Variants in PTPRM observed in about 807,000 individuals in gnomAD.
PTPRM encodes the protein protein tyrosine phosphatase receptor type M.
Under a neutral mutation model 186.7 loss-of-function variants are expected in PTPRM, and 47 were observed. The observed-to-expected ratio is 0.25, with a 90% CI of 0.20 to 0.32. The LOEUF is 0.32. Ranked by LOEUF, PTPRM falls within the 10% of genes least tolerant of loss-of-function variation. The pLI is 1.00. For synonymous variants in PTPRM, 668 were observed against 674.9 expected (o/e 0.99, Z 0.16); for missense variants, 1,494 against 1,865.0 (o/e 0.80, Z 3.66).
At chr18:8,019,452 T>C (rs2085074226) in intron 7 of PTPRM, among the ~76,000 whole-genome samples, 2 of 152,192 alleles carry the variant, frequency 1.3e-5, no homozygotes. Flanking sequence ...TGATAGACCT[T>C]AGGATTTGTT....
intron 1 of PTPRM, among the ~76,000 whole-genome samples, chr18:7,617,872 A>G (rs1444132707): frequency 1.3e-5 from 2 of 151,848 alleles, no homozygotes; most frequent in African/African-American, 4.8e-5. Context: ...TGGTTTACCT[A>G]CTCTTGGTCT....
At chr18:8,083,332 A>G (rs1245554393) in intron 9 of PTPRM, among the ~76,000 whole-genome samples, 3 of 152,114 alleles carry the variant, frequency 2.0e-5, no homozygotes, top group Admixed American at 6.6e-5. Context: ...TCAAGCCCCC[A>G]AGGAACCACA....
intron 1 of PTPRM, among the ~76,000 whole-genome samples, chr18:7,569,957 T>G (rs1451120343): frequency 6.6e-6 from 1 of 152,104 alleles, no homozygotes; most frequent in African/African-American, 2.4e-5. Context: ...ACGTTGAACT[T>G]TAAAAAATGT....
At chr18:7,792,043 C>T (rs1718371951) in intron 2 of PTPRM, among the ~76,000 whole-genome samples, 1 of 152,090 alleles carries the variant, frequency 6.6e-6, no homozygotes, top group Non-Finnish European at 1.5e-5. Context: ...TTCAGTAAAG[C>T]AAATATCATT....
At chr18:7,951,420 T>C (rs1040349633) in intron 6 of PTPRM, among the ~76,000 whole-genome samples, 1 of 152,248 alleles carries the variant, frequency 6.6e-6, no homozygotes, top group African/African-American at 2.4e-5. Context: ...GATGCAAATC[T>C]AGTAGTATCT....
chr18:8,155,761 A>G (rs1236171825), intron 14 of PTPRM, among the ~76,000 whole-genome samples: 1 of 152,234 alleles, frequency 6.6e-6, no homozygotes, highest in Non-Finnish European at 1.5e-5. Context: ...CATTAACTAT[A>G]GTTCCCCCGG....
At chr18:7,952,982 G>A (rs115671955) in intron 6 of PTPRM, among the ~76,000 whole-genome samples, 4,446 of 152,140 alleles carry the variant, frequency 0.029, 223 homozygotes, top group African/African-American at 0.1. Context: ...CTGCAGCCTC[G>A]GTGACAGAGC....
intron 2 of PTPRM, 196 bp from the exon 3 acceptor site, chr18:7,887,910 G>A: frequency 1.3e-6 from 1 of 767,660 alleles, no homozygotes; most frequent in South Asian, 1.4e-5. Flanking sequence ...AATACTATGT[G>A]CACTCTTGAG....
At chr18:7,728,993 C>A (rs1032471222) in intron 1 of PTPRM, among the ~76,000 whole-genome samples, 1 of 148,426 alleles carries the variant, frequency 6.7e-6, no homozygotes, top group Non-Finnish European at 1.5e-5. Flanking sequence ...CCACTGCAGT[C>A]TTGAATTCCT....
At chr18:8,114,936 G>A (rs1372262306) in intron 13 of PTPRM, 109 bp downstream of exon 13, 3 of 796,096 alleles carry the variant, frequency 3.8e-6, no homozygotes, top group Middle Eastern at 3.5e-4. Context: ...TAAAATGTGT[G>A]TATTATATAT....
At chr18:7,680,489 A>T (rs60600197) in intron 1 of PTPRM, among the ~76,000 whole-genome samples, 11,237 of 152,268 alleles carry the variant, frequency 0.074, 442 homozygotes, top group South Asian at 0.15. Flanking sequence ...GTCATCATAT[A>T]GTGATGAGGG....
chr18:8,200,557 G>GA (rs1459476082), intron 14 of PTPRM, among the ~76,000 whole-genome samples: 1 of 152,222 alleles, frequency 6.6e-6, no homozygotes, highest in Admixed American at 6.5e-5. Context: ...CTGGGGAACT[G>GA]AACACACCGC....
At chr18:7,855,605 A>C (rs2047059246) in intron 2 of PTPRM, among the ~76,000 whole-genome samples, 1 of 152,238 alleles carries the variant, frequency 6.6e-6, no homozygotes, top group Non-Finnish European at 1.5e-5. Context: ...AATAGCACTG[A>C]ACTCACCTTG....
chr18:8,289,549 T>C lies in PTPRM; in HGVS notation c.2755-6819T>C, dbSNP rs867153490. Reference sequence around the variant, plus strand: ...ACATATATATACACATATATATATATACATATATATACACATATATATATA... The same window carrying C: ...ACATATATATACACATATATATATACACATATATATACACATATATATATA... On this transcript the variant is annotated intron_variant, in intron 19 of 32. Transcript: ENST00000580170. Among the ~76,000 whole-genome samples the C allele has an allele frequency of 3.4e-3, 320 of 94,872 alleles. 11 individuals are homozygous for C. Among genetic ancestry groups the C allele is most frequent in the African/African-American group, 0.012 (180 of 15,032 alleles). The allele number at this position is 94,872 out of a possible 152,430, so 62.2% of individuals were successfully genotyped here. A position where few individuals can be genotyped will look rare whatever the true frequency, so the allele number is the denominator to read the frequency against.
chr18:7,683,173 T>C (rs1323523716), intron 1 of PTPRM, among the ~76,000 whole-genome samples: 1 of 150,222 alleles, frequency 6.7e-6, no homozygotes, highest in African/African-American at 2.5e-5. Flanking sequence ...ATTTTTTTTT[T>C]TTTTTTTTTT....
chr18:7,945,624 A>C (rs2052471904), intron 5 of PTPRM, among the ~76,000 whole-genome samples: 1 of 152,218 alleles, frequency 6.6e-6, no homozygotes, highest in African/African-American at 2.4e-5. Context: ...AAAACAGACT[A>C]AGACATCCAG....
At chr18:8,051,147 A>G (rs969128856) in intron 7 of PTPRM, among the ~76,000 whole-genome samples, 1 of 152,208 alleles carries the variant, frequency 6.6e-6, no homozygotes, top group Non-Finnish European at 1.5e-5. Context: ...TTAATGACGT[A>G]TGATCTTGCT....
chr18:7,988,679 G>C (rs540400313), intron 7 of PTPRM, among the ~76,000 whole-genome samples: 1 of 152,180 alleles, frequency 6.6e-6, no homozygotes, highest in South Asian at 2.1e-4. Flanking sequence ...CCACGTGTCT[G>C]ACTTATTTCA....
At chr18:7,981,086 T>A (rs993861187) in intron 7 of PTPRM, among the ~76,000 whole-genome samples, 1 of 152,134 alleles carries the variant, frequency 6.6e-6, no homozygotes, top group African/African-American at 2.4e-5. Context: ...CAAGGTGCTC[T>A]TCCTGCTTAT....
Sources: gnomAD v4.1 joint callset for allele counts (sites outside exome capture counted in the v4.1 genomes callset) on GRCh38, gnomAD v4.1.1 for gene constraint, MANE v1.5 for transcripts, NCBI Gene and HGNC (gene_info 2026-07-23, HGNC 2026-07-21) for gene names.